Variants in ANKHD1 observed in about 807,000 individuals in gnomAD.
ANKHD1 encodes ankyrin repeat and KH domain containing 1, also known as ankyrin repeat and KH domain-containing protein 1.
ANKHD1 carries 31 observed loss-of-function variants against 230.5 expected under a neutral mutation model. The observed-to-expected ratio is 0.13, with a 90% CI of 0.10 to 0.18. The LOEUF is 0.18. ANKHD1 is among the 10% of genes least tolerant of loss of function. ANKHD1 has a pLI of 1.00. For missense variants in ANKHD1, 2,256 were observed against 3,071.3 expected, an observed-to-expected ratio of 0.73 and a Z score of 6.27; for synonymous variants, 1,074 against 1,117.6, an observed-to-expected ratio of 0.96 and a Z score of 0.78.
intron 7 of ANKHD1, among the ~76,000 whole-genome samples, chr5:140,455,190 A>G (rs1046966249): frequency 3.3e-5 from 5 of 152,226 alleles, no homozygotes; most frequent in Admixed American, 2.0e-4. Flanking sequence ...TGAATAGACC[A>G]AGAACAGGCT....
chr5:140,407,053 T>C (rs1350220561), intron 1 of ANKHD1, among the ~76,000 whole-genome samples: 2 of 151,932 alleles, frequency 1.3e-5, no homozygotes, highest in Admixed American at 1.3e-4. Context: ...TCCCAGCACT[T>C]TGGGAGGCCG....
chr5:140,463,469 A>G (rs1440764151), intron 9 of ANKHD1, among the ~76,000 whole-genome samples: 2 of 152,144 alleles, frequency 1.3e-5, no homozygotes, highest in Non-Finnish European at 2.9e-5. Context: ...AGAGACCACA[A>G]TCTAAGCTAG....
chr5:140,531,253 G>C, intron 29 of ANKHD1: 1 of 400,850 alleles, frequency 2.5e-6, no homozygotes. Context: ...CTCTTTTCAC[G>C]GATATAGTTT....
chr5:140,531,543 A>G (rs957605660), intron 29 of ANKHD1, among the ~76,000 whole-genome samples: 1 of 152,012 alleles, frequency 6.6e-6, no homozygotes, highest in Non-Finnish European at 1.5e-5. Flanking sequence ...ATCATGCCAC[A>G]GCACTCCAAG....
At position 140,535,489 on chromosome 5, in the gene ANKHD1, C is replaced by T. The variant is rs1754027650; in HGVS notation, c.6978C>T (p.Phe2326=). ...QGPAPVGTPS[F]NRQHFSPHPW... ...CAGCTCCTGTTGGGACTCCTAGTTT[C>T]AACAGACAACATTTTTCTCCCCATC... The change falls in exon 30 of 34, where the codon TTC becomes TTT. Residue 2326 remains phenylalanine (F), a synonymous_variant. Coordinates refer to ENST00000360839, the MANE Select transcript of ANKHD1 (RefSeq NM_017747.3). 1 of 1,612,522 alleles carries T rather than the reference C, an allele frequency of 6.2e-7. No individual in the cohort carries two copies. Among genetic ancestry groups the T allele is most frequent in the Non-Finnish European group, 8.5e-7 (1 of 1,179,546 alleles).
Position 140,529,223 on chromosome 5 carries a change from T to C in ANKHD1, c.6277T>C (p.Ser2093Pro). 1 of 1,614,220 alleles carries C rather than the reference T, an allele frequency of 6.2e-7. No individual in the cohort carries two copies. The highest frequency in any genetic ancestry group is 8.5e-7 in the Non-Finnish European group (1 of 1,180,046). The change falls in exon 29 of 34, where the codon TCA becomes CCA. Residue 2093 changes from serine (S) to proline (P), a missense_variant. Ser to Pro is a moderately conservative substitution (Grantham distance 74, BLOSUM62 -1). Transcript: ENST00000360839. ...PSSVSDLSPMSMPFASNSEPA... is the reference protein window; with the variant it reads ...PSSVSDLSPMPMPFASNSEPA... ...CAGTGTGTCTGATTTAAGTCCTATG[T>C]CAATGCCTTTTGCATCTAACTCAGA... is the stretch of plus-strand genomic sequence containing the variant.
rs1377189345 is a variant in ANKHD1 at position 140,539,600 on chromosome 5, T to G, written c.*182T>G. 4.5e-6 allele frequency: 3 copies of G among 671,820 alleles called. No homozygotes were observed. The highest frequency in any genetic ancestry group is 7.1e-6 in the Non-Finnish European group (3 of 423,686). The allele number at this position is 671,820 out of a possible 1,614,324, so 41.6% of individuals were successfully genotyped here. A position where few individuals can be genotyped will look rare whatever the true frequency, so the allele number is the denominator to read the frequency against. Reference sequence around the variant, plus strand: ...ACCTGATTATGTTCTCTGGTTAGTTTAGCCATTTTGAACTTAAGATCATAT... The same window carrying G: ...ACCTGATTATGTTCTCTGGTTAGTTGAGCCATTTTGAACTTAAGATCATAT... On this transcript the variant is annotated 3_prime_UTR_variant, in exon 34 of 34. Transcript: ENST00000360839.
intron 10 of ANKHD1, among the ~76,000 whole-genome samples, chr5:140,471,926 T>A (rs1776524109): frequency 6.6e-6 from 1 of 152,196 alleles, no homozygotes; most frequent in African/African-American, 2.4e-5. Context: ...TAGATATTTT[T>A]AAATGTTGCT....
chr5:140,475,523 C>T (rs938315233), intron 10 of ANKHD1, among the ~76,000 whole-genome samples: 2 of 151,764 alleles, frequency 1.3e-5, no homozygotes, highest in African/African-American at 4.8e-5. Context: ...AGCAAATTGT[C>T]ATATCCAGGT....
In ANKHD1 at chr5:140,513,073, G is replaced by A. The variant is rs114642521; in HGVS notation, c.4200+150G>A. 8 of 760,590 alleles carry A rather than the reference G, an allele frequency of 1.1e-5. No individual in the cohort carries two copies. The East Asian group carries it at 2.3e-4, about 22-fold the overall frequency. 47.1% of individuals were successfully genotyped at this position (760,590 alleles called of 1,614,324 possible). A position where few individuals can be genotyped will look rare whatever the true frequency, so the allele number is the denominator to read the frequency against. ...GTTTCTCCATTTGCAAAATAGAGGG[G>A]TATAATACTTTTGATAAACTATTTT... is the stretch of plus-strand genomic sequence containing the variant. On this transcript the variant is annotated intron_variant, in intron 23 of 33. Transcript: ENST00000360839.
Position 140,526,454 on chromosome 5 carries a change from C to T in ANKHD1, c.4940+11C>T, listed in dbSNP as rs1454331770. 3.1e-6 allele frequency: 5 copies of T among 1,595,798 alleles called. No individual in the cohort carries two copies. In the East Asian group the frequency reaches 1.1e-4, roughly 36 times the overall value. On this transcript the variant is annotated intron_variant, in intron 26 of 33. Transcript: ENST00000360839. ...CAAAACTCAGACACGGTAAATTTTT[C>T]TGATTTGTTAACTCTACCTGCACCT...
intron 1 of ANKHD1, among the ~76,000 whole-genome samples, chr5:140,423,948 A>G (rs1002500871): frequency 5.3e-5 from 8 of 152,094 alleles, no homozygotes; most frequent in African/African-American, 1.9e-4. Flanking sequence ...TCTCTCTCCC[A>G]TGCTGTCTTG....
intron 25 of ANKHD1, 147 bp downstream of exon 25, chr5:140,524,387 TGTAA>T (rs771880280): frequency 1.5e-5 from 20 of 1,345,518 alleles, no homozygotes; most frequent in African/African-American, 3.1e-5. Context: ...AGTAAATATT[TGTAA>T]GTGTTTTGCA....
chr5:140,482,454 G>T (rs954850529), intron 10 of ANKHD1, 126 bp from the exon 11 acceptor site: 4 of 1,003,892 alleles, frequency 4.0e-6, no homozygotes, highest in African/African-American at 3.3e-5. Context: ...GAGGTAGGTG[G>T]TATAAAGTGT....
Position 140,402,163 on chromosome 5 carries a change from A to G in ANKHD1, c.196A>G (p.Ser66Gly), listed in dbSNP as rs1769995642. Residue 66 changes from serine (S) to glycine (G), a missense_variant, in exon 1 of 34, where the codon AGC becomes GGC. This residue lies in a region of ANKHD1 where 193 missense variants were observed against 185.8 expected (regional missense o/e 1.04). Transcript: ENST00000360839. ...VGSSGGGGSG[S>G]GTGGGDAALD... ...CAGCAGCGGCGGCGGCGGCAGCGGCAGCGGTACGGGCGGAGGGGACGCGGC... is the reference window on the plus strand; with the variant it reads ...CAGCAGCGGCGGCGGCGGCAGCGGCGGCGGTACGGGCGGAGGGGACGCGGC... 2 of 1,527,690 alleles carry G rather than the reference A, an allele frequency of 1.3e-6. No individual in the cohort carries two copies. Among genetic ancestry groups the G allele is most frequent in the South Asian group, 1.2e-5 (1 of 81,660 alleles). The allele number at this position is 1,527,690 out of a possible 1,614,324, so 94.6% of individuals were successfully genotyped here. A position where few individuals can be genotyped will look rare whatever the true frequency, so the allele number is the denominator to read the frequency against.
At chr5:140,469,062 C>G (rs896390959) in intron 10 of ANKHD1, among the ~76,000 whole-genome samples, 1 of 152,022 alleles carries the variant, frequency 6.6e-6, no homozygotes, top group Non-Finnish European at 1.5e-5. Context: ...CTCCCACATT[C>G]TCACAAATAT....
intron 24 of ANKHD1, among the ~76,000 whole-genome samples, chr5:140,515,707 G>T (rs1223937874): frequency 5.3e-5 from 8 of 152,268 alleles, no homozygotes; most frequent in African/African-American, 1.9e-4. Flanking sequence ...ACACGGCCGG[G>T]TACTTCAACA....
chr5:140,459,402 T>C (rs767109799), intron 9 of ANKHD1, 47 bp downstream of exon 9: 3 of 1,484,494 alleles, frequency 2.0e-6, no homozygotes, highest in Non-Finnish European at 2.7e-6. Context: ...CAAATACAAA[T>C]AATAGTTTAT....
rs1044071095 is a variant in ANKHD1, at chr5:140,527,352, C to T, written c.5087+278C>T. The T allele has an allele frequency of 1.3e-5, 4 of 309,690 alleles. No individual in the cohort carries two copies. The highest frequency in any genetic ancestry group is 8.8e-5 in the African/African-American group (4 of 45,252). 19.2% of individuals were successfully genotyped at this position (309,690 alleles called of 1,614,324 possible). A position where few individuals can be genotyped will look rare whatever the true frequency, so the allele number is the denominator to read the frequency against. ...GCTTTCTCTTGCTTTTTTTCTTTCTCATGTCTCAGTAATTCTAGAACTAAA... is the reference window on the plus strand; with the variant it reads ...GCTTTCTCTTGCTTTTTTTCTTTCTTATGTCTCAGTAATTCTAGAACTAAA... On this transcript the variant is annotated intron_variant, in intron 27 of 33. Transcript: ENST00000360839. This position sits in a 1 kb window ranked among gnomAD's most constrained non-coding sequence, Gnocchi z 4.5.
Sources: allele counts gnomAD v4.1 joint callset (sites outside exome capture counted in the v4.1 genomes callset), GRCh38; gene constraint gnomAD v4.1.1; regional missense constraint gnomAD v4.1.1; non-coding constraint Gnocchi (gnomAD v3.1); transcripts MANE v1.5; gene names NCBI Gene and HGNC (gene_info 2026-07-23, HGNC 2026-07-21).